ZNF385D: variants seen among roughly 807,000 people sequenced by gnomAD.
ZNF385D encodes zinc finger protein 659.
A neutral mutation model predicts 35.8 loss-of-function variants in ZNF385D; 15 were observed. That is an observed-to-expected ratio of 0.42 (90% CI 0.28 to 0.64). ZNF385D has a LOEUF of 0.64. ZNF385D is among the 30% of genes least tolerant of loss of function. The probability of loss-of-function intolerance (pLI) is 0.23; values close to 1 mark genes in which losing one functional copy is unlikely to be tolerated. For missense variants in ZNF385D, 474 were observed against 494.6 expected (o/e 0.96, Z 0.39); for synonymous variants, 212 against 186.8 (o/e 1.13, Z -1.10).
intron 3 of ZNF385D, among the ~76,000 whole-genome samples, chr3:22,050,366 AC>A (rs1281796964): frequency 3.3e-5 from 5 of 150,028 alleles, no homozygotes; most frequent in African/African-American, 1.2e-4. Context: ...TGTCAAAAAA[AC>A]AAACAAACAA....
At chr3:22,354,243 G>A (rs965001371) in intron 2 of ZNF385D, among the ~76,000 whole-genome samples, 12 of 151,994 alleles carry the variant, frequency 7.9e-5, no homozygotes, top group African/African-American at 2.9e-4. Flanking sequence ...AACATTTTCT[G>A]TATCTCAGTT....
rs902371517 is a variant in ZNF385D at position 21,881,890 on chromosome 3, C to A, written c.326-216862G>T. Among the ~76,000 whole-genome samples, 4 of 151,986 alleles carry A rather than the reference C, an allele frequency of 2.6e-5. No individual in the cohort carries two copies. In the South Asian group the frequency reaches 8.3e-4, roughly 32 times the overall value. ...TTCAAGATTTCAGCAGAGGAAGTAA[C>A]TGCATATGTGATGGAAATAGTAAGA... is the stretch of plus-strand genomic sequence containing the variant. On this transcript the variant is annotated intron_variant, in intron 3 of 5. Coordinates refer to the ZNF385D transcript ENST00000494108.
intron 1 of ZNF385D, among the ~76,000 whole-genome samples, chr3:21,728,635 T>C (rs2068864840): frequency 6.6e-6 from 1 of 152,184 alleles, no homozygotes; most frequent in African/African-American, 2.4e-5. Context: ...TCTTACAGCA[T>C]CAAAACAAGT....
intron 4 of ZNF385D, among the ~76,000 whole-genome samples, chr3:21,510,435 A>T (rs1450136935): frequency 1.3e-5 from 2 of 152,214 alleles, no homozygotes; most frequent in Non-Finnish European, 2.9e-5. Flanking sequence ...GGCTTTCTGT[A>T]ATAATGCCCT....
chr3:22,258,627 A>T (rs774421104), intron 2 of ZNF385D, among the ~76,000 whole-genome samples: 47 of 151,662 alleles, frequency 3.1e-4, no homozygotes, highest in Non-Finnish European at 6.5e-4. Context: ...TGGTCTCAGA[A>T]CTCCTTATAC....
At position 21,751,158 on chromosome 3, in the gene ZNF385D, T is replaced by C. The variant is rs972612100; in HGVS notation, c.-242A>G. ...TGCCTGCTGCACTGCCCATCCTTAC[T>C]GTAATCCGACTCCTCCTTGCGATGT... On this transcript the variant is annotated 5_prime_UTR_variant, in exon 1 of 8. Transcript: ENST00000281523. 151 of 1,423,772 alleles carry C rather than the reference T, an allele frequency of 1.1e-4. No homozygotes were observed. The highest frequency in any genetic ancestry group is 1.5e-4 in the Admixed American group (5 of 34,434). 88.2% of individuals were successfully genotyped at this position (1,423,772 alleles called of 1,614,324 possible). A position where few individuals can be genotyped will look rare whatever the true frequency, so the allele number is the denominator to read the frequency against.
chr3:21,560,772 C>A (rs1479165973), intron 3 of ZNF385D, among the ~76,000 whole-genome samples: 1 of 152,188 alleles, frequency 6.6e-6, no homozygotes, highest in Non-Finnish European at 1.5e-5. Flanking sequence ...GGTGCTCTGT[C>A]CCAGGGAGTT....
intron 3 of ZNF385D, among the ~76,000 whole-genome samples, chr3:22,050,518 T>G (rs1298896620): frequency 1.3e-5 from 2 of 152,224 alleles, no homozygotes; most frequent in Non-Finnish European, 2.9e-5. Context: ...TTAATTTGGT[T>G]GTTCTTTATT....
intron 2 of ZNF385D, among the ~76,000 whole-genome samples, chr3:22,172,216 T>C (rs1694503629): frequency 6.6e-6 from 1 of 152,206 alleles, no homozygotes; most frequent in African/African-American, 2.4e-5. Flanking sequence ...GACAGCACTA[T>C]TTAACATGTT....
At chr3:22,265,551 C>T (rs1234746233) in intron 2 of ZNF385D, among the ~76,000 whole-genome samples, 1 of 151,942 alleles carries the variant, frequency 6.6e-6, no homozygotes, top group Admixed American at 6.6e-5. Flanking sequence ...ACTCAATTGA[C>T]CTTGTCGCCA....
At chr3:21,558,023 C>G (rs965490585) in intron 3 of ZNF385D, among the ~76,000 whole-genome samples, 1 of 151,572 alleles carries the variant, frequency 6.6e-6, no homozygotes, top group Non-Finnish European at 1.5e-5. Context: ...TTTAGTGTGT[C>G]TATTTTATTC....
chr3:21,947,728 T>C (rs375909904), intron 3 of ZNF385D, among the ~76,000 whole-genome samples: 1 of 152,170 alleles, frequency 6.6e-6, no homozygotes, highest in Non-Finnish European at 1.5e-5. Flanking sequence ...CCATCTATCT[T>C]TTTTCTATCA....
chr3:21,781,130 G>T (rs774978660), intron 3 of ZNF385D, among the ~76,000 whole-genome samples: 34 of 152,034 alleles, frequency 2.2e-4, no homozygotes, highest in Admixed American at 2.0e-4. Context: ...GAAGAGATAT[G>T]TAAGGTCAGC....
chr3:21,918,080 G>A (rs10865774), intron 3 of ZNF385D, among the ~76,000 whole-genome samples: 81,396 of 152,062 alleles, frequency 0.54, 23,846 homozygotes, highest in South Asian at 0.66. Flanking sequence ...TGGAATATTC[G>A]AGAATGCTTC....
At position 21,873,097 on chromosome 3, in the gene ZNF385D, A is replaced by G. The variant is rs572497425; in HGVS notation, c.326-208069T>C. 9.2e-5 allele frequency among the ~76,000 whole-genome samples: 14 copies of G among 152,300 alleles called. No homozygotes were observed. The South Asian group carries it at 2.9e-3, about 32-fold the overall frequency. On this transcript the variant is annotated intron_variant, in intron 3 of 5. Transcript: ENST00000494108. The stretch of plus-strand genomic sequence containing the variant: ...ATCTTTATTGGTACAAGTGGATTTT[A>G]TAAACTTTAAATATTTTTTGAATGA...
chr3:21,771,835 C>T (rs1187410622), intron 3 of ZNF385D, among the ~76,000 whole-genome samples: 2 of 152,006 alleles, frequency 1.3e-5, no homozygotes, highest in South Asian at 4.2e-4. Context: ...TTAAAACATA[C>T]TGCAAAGCTA....
intron 3 of ZNF385D, among the ~76,000 whole-genome samples, chr3:21,831,698 T>C (rs1238070346): frequency 1.3e-5 from 2 of 152,192 alleles, no homozygotes; most frequent in African/African-American, 4.8e-5. Flanking sequence ...GGGAGTTAGA[T>C]CGCTTTGCCT....
chr3:21,934,923 C>A (rs1386994187), intron 3 of ZNF385D, among the ~76,000 whole-genome samples: 1 of 152,176 alleles, frequency 6.6e-6, no homozygotes, highest in East Asian at 1.9e-4. Flanking sequence ...AGAAGTCTGA[C>A]TGCACATATA....
chr3:22,184,178 C>G (rs1026888970), intron 2 of ZNF385D, among the ~76,000 whole-genome samples: 1 of 152,144 alleles, frequency 6.6e-6, no homozygotes, highest in East Asian at 1.9e-4. Context: ...ACCCCTCTGA[C>G]TCTGTTCTCC....
Sources: allele counts gnomAD v4.1 joint callset (sites outside exome capture counted in the v4.1 genomes callset), GRCh38; gene constraint gnomAD v4.1.1; transcripts MANE v1.5; gene names NCBI Gene and HGNC (gene_info 2026-07-23, HGNC 2026-07-21).